Variants in CSMD1 observed in about 807,000 individuals in gnomAD.
CSMD1 encodes CUB and Sushi multiple domains 1.
A neutral mutation model predicts 417.5 loss-of-function variants in CSMD1; 213 were observed. That is an observed-to-expected ratio of 0.51 (90% CI 0.46 to 0.57). The LOEUF (loss-of-function observed/expected upper bound fraction) is 0.57, where lower values mean the gene tolerates loss of function less well. Among genes scored for constraint, CSMD1 ranks in the 20% least tolerant of loss-of-function variants. The pLI is 0.00. For synonymous variants in CSMD1, 2,862 were observed against 1,736.8 expected (o/e 1.65, Z -16.11); for missense variants, 6,923 against 4,529.7 (o/e 1.53, Z -15.17).
intron 1 of CSMD1, among the ~76,000 whole-genome samples, chr8:4,951,700 G>T (rs931584171): frequency 6.6e-6 from 1 of 151,600 alleles, no homozygotes; most frequent in African/African-American, 2.4e-5. Flanking sequence ...CTTGGCTGTG[G>T]TTCTACCAGA....
chr8:4,231,034 A>C (rs13280268), intron 3 of CSMD1, among the ~76,000 whole-genome samples: 23 of 152,020 alleles, frequency 1.5e-4, no homozygotes, highest in African/African-American at 4.8e-4. Flanking sequence ...AAACTATCCA[A>C]CTTGCTACCG....
chr8:4,151,451 T>C (rs1272609857), intron 3 of CSMD1, among the ~76,000 whole-genome samples: 2 of 152,210 alleles, frequency 1.3e-5, no homozygotes, highest in Admixed American at 6.5e-5. Context: ...TGCAATAAGA[T>C]ATTGAATCAC....
chr8:4,949,988 A>C (rs1045298615), intron 1 of CSMD1, among the ~76,000 whole-genome samples: 4 of 152,218 alleles, frequency 2.6e-5, no homozygotes, highest in Non-Finnish European at 5.9e-5. Flanking sequence ...TTTTTATCTA[A>C]TTGGTCACGA....
At chr8:4,506,457 C>T (rs376238459) in intron 2 of CSMD1, among the ~76,000 whole-genome samples, 4 of 152,218 alleles carry the variant, frequency 2.6e-5, no homozygotes, top group East Asian at 3.9e-4. Flanking sequence ...ACTCCCCTCC[C>T]CTATGCTAAG....
intron 1 of CSMD1, among the ~76,000 whole-genome samples, chr8:4,961,856 C>T (rs4385481): frequency 0.73 from 110,626 of 151,856 alleles, 41,376 homozygotes; most frequent in African/African-American, 0.9. Context: ...CTTGATTTCA[C>T]TTTAAATTTT....
At chr8:3,044,995 A>G (rs1160252901) in intron 50 of CSMD1, among the ~76,000 whole-genome samples, 1 of 152,216 alleles carries the variant, frequency 6.6e-6, no homozygotes. Flanking sequence ...GATTTTTTCC[A>G]TTTAAATTAA....
At chr8:4,326,042 C>G (rs999326464) in intron 3 of CSMD1, among the ~76,000 whole-genome samples, 3 of 152,080 alleles carry the variant, frequency 2.0e-5, no homozygotes, top group Non-Finnish European at 4.4e-5. Context: ...TATTTGTTGA[C>G]CTAACACGGG....
chr8:3,611,616 C>T (rs909882409), intron 8 of CSMD1, among the ~76,000 whole-genome samples: 20 of 152,012 alleles, frequency 1.3e-4, no homozygotes, highest in Non-Finnish European at 1.5e-4. Context: ...AATTTTCTAA[C>T]GAAAATTAGA....
rs192301890 is a variant in CSMD1 at position 4,860,425 on chromosome 8, T to C, written c.85+133907A>G. Among the ~76,000 whole-genome samples, 9 of 149,618 alleles carry C rather than the reference T, an allele frequency of 6.0e-5. No homozygotes were observed. In the East Asian group the frequency reaches 1.4e-3, roughly 23 times the overall value. Reference sequence around the variant, plus strand: ...TTAAAGTATATAAAAAAAAAAAAAGTGTGTGCCACTCCACCCTTGCTCTCT... The same window carrying C: ...TTAAAGTATATAAAAAAAAAAAAAGCGTGTGCCACTCCACCCTTGCTCTCT... On this transcript the variant is annotated intron_variant, in intron 1 of 69. Transcript: ENST00000635120.
At chr8:4,921,021 A>T (rs866815581) in intron 1 of CSMD1, among the ~76,000 whole-genome samples, 3,107 of 133,400 alleles carry the variant, frequency 0.023, 517 homozygotes, top group African/African-American at 0.091. Context: ...GAAAAGAAAG[A>T]AAGGAAGAAA....
intron 2 of CSMD1, among the ~76,000 whole-genome samples, chr8:4,573,236 T>C (rs1276282875): frequency 6.6e-6 from 1 of 152,204 alleles, no homozygotes; most frequent in African/African-American, 2.4e-5. Context: ...TTGTGCTGGT[T>C]TTTCCTCATC....
chr8:4,290,782 T>C (rs1242884231), intron 3 of CSMD1, among the ~76,000 whole-genome samples: 1 of 152,226 alleles, frequency 6.6e-6, no homozygotes, highest in Non-Finnish European at 1.5e-5. Flanking sequence ...AGTCTGATTT[T>C]TTGGTAAGCT....
At chr8:4,418,200 C>T (rs547765411) in intron 3 of CSMD1, among the ~76,000 whole-genome samples, 18 of 151,872 alleles carry the variant, frequency 1.2e-4, no homozygotes, top group Admixed American at 5.9e-4. Context: ...CATTTCAAAT[C>T]GAAATACCAC....
At chr8:3,733,972 G>T (rs548400730) in intron 6 of CSMD1, among the ~76,000 whole-genome samples, 210 of 152,222 alleles carry the variant, frequency 1.4e-3, no homozygotes, top group African/African-American at 4.9e-3. Flanking sequence ...ATCCTTCAAG[G>T]ATAAGGGGGG....
chr8:4,965,737 G>A (rs925167159), intron 1 of CSMD1, among the ~76,000 whole-genome samples: 1 of 152,066 alleles, frequency 6.6e-6, no homozygotes, highest in African/African-American at 2.4e-5. Context: ...AATTTTTAGA[G>A]TGAAATACTA....
chr8:4,332,831 T>C lies in CSMD1; in HGVS notation c.415+87122A>G, dbSNP rs146937937. On this transcript the variant is annotated intron_variant, in intron 3 of 69. Transcript: ENST00000635120. ...GAGAAGTTTTCAGGGAAACTTTATT[T>C]AGCTGATGAAATGTTTTTTCCCAAT... Among the ~76,000 whole-genome samples, 245 of 152,012 alleles carry C rather than the reference T, an allele frequency of 1.6e-3. 2 individuals carry two copies. In the East Asian group the frequency reaches 0.044, roughly 27 times the overall value.
intron 1 of CSMD1, among the ~76,000 whole-genome samples, chr8:4,688,908 G>A (rs1406258945): frequency 6.6e-6 from 1 of 152,210 alleles, no homozygotes; most frequent in Non-Finnish European, 1.5e-5. Flanking sequence ...AACAGCACAA[G>A]AATGTGATTG....
At chr8:3,261,232 G>C (rs1801037704) in intron 26 of CSMD1, among the ~76,000 whole-genome samples, 1 of 152,118 alleles carries the variant, frequency 6.6e-6, no homozygotes, top group Non-Finnish European at 1.5e-5. Context: ...TTGCATAGGA[G>C]GCAGAAAAAC....
At chr8:4,904,296 G>A (rs1361529310) in intron 1 of CSMD1, among the ~76,000 whole-genome samples, 7 of 152,120 alleles carry the variant, frequency 4.6e-5, no homozygotes, top group Non-Finnish European at 8.8e-5. Flanking sequence ...TACAGTAAAT[G>A]TATTTCCCAT....
Sources: gnomAD v4.1 joint callset for allele counts (sites outside exome capture counted in the v4.1 genomes callset) on GRCh38, gnomAD v4.1.1 for gene constraint, MANE v1.5 for transcripts, NCBI Gene and HGNC (gene_info 2026-07-23, HGNC 2026-07-21) for gene names.